Variants in MS4A4E observed in about 807,000 individuals in gnomAD.
MS4A4E encodes membrane spanning 4-domains A4E, also known as putative membrane-spanning 4-domains subfamily A member 4E.
Under a neutral mutation model 13.3 loss-of-function variants are expected in MS4A4E, and 23 were observed. The observed-to-expected ratio is 1.73, with a 90% CI of 1.25 to 2.45. The LOEUF (loss-of-function observed/expected upper bound fraction) is 2.45, where lower values mean the gene tolerates loss of function less well. Among genes scored for constraint, MS4A4E ranks in the 30% most tolerant of loss-of-function variants. The pLI is 0.00. For missense variants in MS4A4E, 144 were observed against 131.2 expected, an observed-to-expected ratio of 1.10 and a Z score of -0.48; for synonymous variants, 36 against 45.6, an observed-to-expected ratio of 0.79 and a Z score of 0.85.
intron 6 of MS4A4E, 72 bp downstream of exon 6, chr11:60,208,520 AT>A: frequency 1.8e-6 from 1 of 545,226 alleles, no homozygotes; most frequent in Admixed American, 2.8e-5. Flanking sequence ...TGTTAAGACT[AT>A]AAGTTTGTTT....
At chr11:60,219,885 C>T (rs2084246194) in intron 3 of MS4A4E, among the ~76,000 whole-genome samples, 1 of 152,160 alleles carries the variant, frequency 6.6e-6, no homozygotes, top group South Asian at 2.1e-4. Context: ...ATTAATGGAG[C>T]TTTAGCTCAG....
At chr11:60,222,284 T>G (rs941367086) in intron 3 of MS4A4E, among the ~76,000 whole-genome samples, 10 of 152,238 alleles carry the variant, frequency 6.6e-5, no homozygotes, top group African/African-American at 2.2e-4. Context: ...CCTTAACCAC[T>G]GTCATGGTAT....
At chr11:60,205,498 A>C (rs2084027593) in intron 7 of MS4A4E, among the ~76,000 whole-genome samples, 1 of 152,252 alleles carries the variant, frequency 6.6e-6, no homozygotes. Flanking sequence ...TTGAGGCTCC[A>C]TATGTACCAG....
chr11:60,214,849 C>G (rs1229264139), intron 3 of MS4A4E, among the ~76,000 whole-genome samples: 3 of 152,040 alleles, frequency 2.0e-5, no homozygotes, highest in Admixed American at 6.5e-5. Context: ...TAATAGCTAA[C>G]TGGAATGATA....
chr11:60,206,475 A>ATAAATATATATATG, intron 6 of MS4A4E, among the ~76,000 whole-genome samples: 1 of 6,212 alleles, frequency 1.6e-4, no homozygotes, highest in East Asian at 3.8e-3. Context: ...ACACACACAC[A>ATAAATATATATATG]TATATATATA....
chr11:60,243,065 C>A lies in MS4A4E; in HGVS notation c.-124G>T. 9.9e-7 allele frequency: 1 copy of A among 1,006,340 alleles called. No individual in the cohort carries two copies. The highest frequency in any genetic ancestry group is 1.5e-6 in the Non-Finnish European group (1 of 680,102). The allele number at this position is 1,006,340 out of a possible 1,614,324, so 62.3% of individuals were successfully genotyped here. A position where few individuals can be genotyped will look rare whatever the true frequency, so the allele number is the denominator to read the frequency against. On this transcript the variant is annotated 5_prime_UTR_variant, in exon 1 of 9. Transcript: ENST00000651255. Reference sequence around the variant, plus strand: ...CACAGTCAGCTTCCCCCACTCCACACCTCACTCAGTTTAAATCTGCACTCC... The same window carrying A: ...CACAGTCAGCTTCCCCCACTCCACAACTCACTCAGTTTAAATCTGCACTCC...
chr11:60,233,498 T>G (rs1489926874), intron 1 of MS4A4E, among the ~76,000 whole-genome samples: 2 of 152,178 alleles, frequency 1.3e-5, no homozygotes, highest in African/African-American at 4.8e-5. Flanking sequence ...CAGCCACAAC[T>G]GGGTGAGTGA....
rs1364026763 is a variant in MS4A4E at position 60,200,934 on chromosome 11, T to A, written c.*609A>T. 2.0e-4 allele frequency among the ~76,000 whole-genome samples: 25 copies of A among 127,966 alleles called. 1 individual carries two copies. The highest frequency in any genetic ancestry group is 7.4e-4 in the African/African-American group (24 of 32,384). The allele number at this position is 127,966 out of a possible 152,430, so 84.0% of individuals were successfully genotyped here. A position where few individuals can be genotyped will look rare whatever the true frequency, so the allele number is the denominator to read the frequency against. ...CGGGCGGGGGGCTGACCCCTCCACC[T>A]CCCTCCCGGACGGGGCGGCTGGCCG... On this transcript the variant is annotated 3_prime_UTR_variant, in exon 9 of 9. Coordinates refer to ENST00000651255, the MANE Select transcript of MS4A4E (RefSeq NM_001393391.1).
At chr11:60,242,085 A>C (rs1272636816) in intron 1 of MS4A4E, among the ~76,000 whole-genome samples, 1 of 152,176 alleles carries the variant, frequency 6.6e-6, no homozygotes, top group African/African-American at 2.4e-5. Flanking sequence ...AATAGACTAG[A>C]AACCCAAAAT....
intron 5 of MS4A4E, among the ~76,000 whole-genome samples, chr11:60,211,660 C>A (rs2084122785): frequency 6.6e-6 from 1 of 152,192 alleles, no homozygotes; most frequent in Non-Finnish European, 1.5e-5. Flanking sequence ...CACCTGTAAT[C>A]CCAGCAGTTT....
intron 1 of MS4A4E, among the ~76,000 whole-genome samples, chr11:60,239,693 C>T (rs919915933): frequency 2.0e-5 from 3 of 152,164 alleles, no homozygotes; most frequent in Non-Finnish European, 4.4e-5. Context: ...TCCTCTTCCT[C>T]TTGTAATCTC....
intron 8 of MS4A4E, among the ~76,000 whole-genome samples, chr11:60,204,307 A>G (rs2084015162): frequency 6.6e-6 from 1 of 152,134 alleles, no homozygotes; most frequent in African/African-American, 2.4e-5. Flanking sequence ...AACGTCAGGG[A>G]TTGGCCCAAC....
chr11:60,204,746 C>T (rs1026582819), intron 8 of MS4A4E, among the ~76,000 whole-genome samples, 144 bp downstream of exon 8: 10 of 152,136 alleles, frequency 6.6e-5, no homozygotes, highest in South Asian at 2.1e-4. Context: ...CACACGTATG[C>T]CAGTAATAAA....
At chr11:60,220,368 G>A (rs1200233122) in intron 3 of MS4A4E, among the ~76,000 whole-genome samples, 1 of 152,150 alleles carries the variant, frequency 6.6e-6, no homozygotes, top group Non-Finnish European at 1.5e-5. Context: ...CCATTGATTT[G>A]GTAAATGCCT....
intron 1 of MS4A4E, among the ~76,000 whole-genome samples, chr11:60,235,186 A>G (rs1209804066): frequency 2.0e-5 from 3 of 152,188 alleles, no homozygotes; most frequent in Non-Finnish European, 4.4e-5. Flanking sequence ...TGGCGTTATC[A>G]TGACTCACTG....
At chr11:60,234,769 C>A (rs2084458498) in intron 1 of MS4A4E, among the ~76,000 whole-genome samples, 1 of 120,458 alleles carries the variant, frequency 8.3e-6, no homozygotes. Context: ...CAAATATCTA[C>A]AAAAACAACC....
rs915639989 is a variant in MS4A4E, at chr11:60,201,047, G to T, written c.*496C>A. The stretch of plus-strand genomic sequence containing the variant: ...CCCCCCCACCTCCCTCCCAGACGTG[G>T]TGGCTGGCCGGGTGGGGGGCTGAAC... On this transcript the variant is annotated 3_prime_UTR_variant, in exon 9 of 9. Coordinates refer to ENST00000651255, the MANE Select transcript of MS4A4E (RefSeq NM_001393391.1). Among the ~76,000 whole-genome samples the T allele has an allele frequency of 2.0e-5, 3 of 148,428 alleles. No homozygotes were observed. Among genetic ancestry groups the T allele is most frequent in the African/African-American group, 5.0e-5 (2 of 40,152 alleles).
chr11:60,200,717 G>A lies in MS4A4E; in HGVS notation c.*826C>T, dbSNP rs1460446923. On this transcript the variant is annotated 3_prime_UTR_variant, in exon 9 of 9. Transcript: ENST00000651255. ...TTCCACACAGACAAGGCAACCATCCGATTTCTCAATCTTTTCCCCACCTTT... is the reference window on the plus strand; with the variant it reads ...TTCCACACAGACAAGGCAACCATCCAATTTCTCAATCTTTTCCCCACCTTT... 5.9e-5 allele frequency among the ~76,000 whole-genome samples: 9 copies of A among 152,214 alleles called. No individual in the cohort carries two copies. Among genetic ancestry groups the A allele is most frequent in the Admixed American group, 5.9e-4 (9 of 15,292 alleles).
intron 3 of MS4A4E, among the ~76,000 whole-genome samples, chr11:60,225,545 A>G (rs903796604): frequency 1.3e-5 from 2 of 152,238 alleles, no homozygotes; most frequent in Admixed American, 6.5e-5. Context: ...GGACATGAAC[A>G]TGAGTAAACA....
Sources: allele counts gnomAD v4.1 joint callset (sites outside exome capture counted in the v4.1 genomes callset), GRCh38; gene constraint gnomAD v4.1.1; transcripts MANE v1.5; gene names NCBI Gene and HGNC (gene_info 2026-07-23, HGNC 2026-07-21).